Variants in ERC2 observed in about 807,000 individuals in gnomAD.
The protein encoded by ERC2 is ERC protein 2.
In ERC2, 42 loss-of-function variants were observed where a neutral mutation model predicts 114.8. The observed-to-expected ratio is 0.37, with a 90% confidence interval of 0.29 to 0.47. The LOEUF is 0.47. Ranked by LOEUF, ERC2 falls within the 20% of genes least tolerant of loss-of-function variation. The pLI is 0.99. For synonymous variants in ERC2, 454 were observed against 425.5 expected (o/e 1.07, Z -0.82); for missense variants, 939 against 1,150.7 (o/e 0.82, Z 2.66).
chr3:56,033,030 CAGAAAGAA>C (rs71099612), intron 7 of ERC2, among the ~76,000 whole-genome samples: 3,983 of 65,506 alleles, frequency 0.061, 377 homozygotes, highest in Admixed American at 0.11. Flanking sequence ...AAAAAAGAAA[CAGAAAGAA>C]AGAAAGAAAG....
At chr3:55,538,603 C>T (rs1435654386) in intron 17 of ERC2, among the ~76,000 whole-genome samples, 1 of 152,174 alleles carries the variant, frequency 6.6e-6, no homozygotes, top group Non-Finnish European at 1.5e-5. Context: ...CTTTTGGAAA[C>T]CACCATGGAA....
intron 17 of ERC2, among the ~76,000 whole-genome samples, chr3:55,622,394 T>C (rs1234608689): frequency 1.3e-5 from 2 of 152,190 alleles, no homozygotes; most frequent in Admixed American, 1.3e-4. Flanking sequence ...TTTATCAATG[T>C]GATTTTTTCC....
At chr3:55,947,657 C>T (rs1198409442) in intron 13 of ERC2, among the ~76,000 whole-genome samples, 9 of 152,180 alleles carry the variant, frequency 5.9e-5, no homozygotes, top group African/African-American at 1.4e-4. Context: ...CCAGGCACCA[C>T]GACAGATGTG....
intron 3 of ERC2, among the ~76,000 whole-genome samples, chr3:56,292,363 C>T (rs552284057): frequency 7.6e-4 from 114 of 150,784 alleles, no homozygotes; most frequent in Admixed American, 1.4e-3. Context: ...GCAGGCAGAT[C>T]GCTTGAGCTC....
intron 3 of ERC2, among the ~76,000 whole-genome samples, chr3:56,181,943 G>A (rs924590497): frequency 6.6e-6 from 1 of 152,204 alleles, no homozygotes; most frequent in Non-Finnish European, 1.5e-5. Context: ...GATGACTGCA[G>A]CCCTGTCCAA....
chr3:55,524,073 G>A (rs146913397), intron 17 of ERC2, among the ~76,000 whole-genome samples: 4 of 152,244 alleles, frequency 2.6e-5, no homozygotes, highest in African/African-American at 7.2e-5. Flanking sequence ...ACCTCTCCAG[G>A]TGGTTGAGAA....
At chr3:55,928,985 A>T (rs1240381226) in intron 13 of ERC2, among the ~76,000 whole-genome samples, 1 of 152,182 alleles carries the variant, frequency 6.6e-6, no homozygotes, top group Non-Finnish European at 1.5e-5. Flanking sequence ...TTTTTATGCC[A>T]GAACCATACT....
intron 17 of ERC2, among the ~76,000 whole-genome samples, chr3:55,621,268 G>C (rs1410043214): frequency 6.6e-6 from 1 of 152,096 alleles, no homozygotes; most frequent in South Asian, 2.1e-4. Context: ...GTGGTGGGCT[G>C]GTTAAACGCC....
At chr3:55,801,914 A>G (rs764009950) in intron 14 of ERC2, among the ~76,000 whole-genome samples, 7 of 152,266 alleles carry the variant, frequency 4.6e-5, no homozygotes, top group Non-Finnish European at 1.0e-4. Flanking sequence ...TGCTCCCAGA[A>G]CTTCCGATCC....
At chr3:56,259,616 T>C (rs925356105) in intron 3 of ERC2, among the ~76,000 whole-genome samples, 11 of 152,082 alleles carry the variant, frequency 7.2e-5, no homozygotes, top group African/African-American at 2.4e-4. Context: ...TATTATATTA[T>C]ATATTTATAG....
intron 2 of ERC2, among the ~76,000 whole-genome samples, chr3:56,404,275 C>A (rs933968258): frequency 6.6e-6 from 1 of 152,110 alleles, no homozygotes; most frequent in African/African-American, 2.4e-5. Context: ...TAAATTTTTG[C>A]AGTCATTCTT....
intron 7 of ERC2, among the ~76,000 whole-genome samples, chr3:56,029,648 A>C (rs2074258059): frequency 6.6e-6 from 1 of 152,106 alleles, no homozygotes; most frequent in African/African-American, 2.4e-5. Flanking sequence ...TTAGGTTGCT[A>C]ATAGCTACAG....
chr3:56,018,611 GA>G (rs1441321070), intron 8 of ERC2, among the ~76,000 whole-genome samples: 2 of 152,274 alleles, frequency 1.3e-5, no homozygotes, highest in East Asian at 3.9e-4. Context: ...GGGCCAGGTA[GA>G]GGATTTCAAA....
chr3:56,311,896 T>G (rs1033899219), intron 2 of ERC2, among the ~76,000 whole-genome samples: 20 of 151,394 alleles, frequency 1.3e-4, no homozygotes, highest in African/African-American at 4.9e-4. Context: ...TATGCACAGG[T>G]CCTACATCTG....
At chr3:56,063,494 GTGA>G (rs1370368531) in intron 7 of ERC2, among the ~76,000 whole-genome samples, 5 of 152,196 alleles carry the variant, frequency 3.3e-5, no homozygotes, top group African/African-American at 1.2e-4. Context: ...AGCACCAACA[GTGA>G]TGGTCAGTTT....
Position 56,061,364 on chromosome 3 carries a change from T to C in ERC2, c.1641+19453A>G, listed in dbSNP as rs76580607. On this transcript the variant is annotated intron_variant, in intron 7 of 17. Transcript: ENST00000288221. ...CTTGTAAGCATTTCGAATGTGATTT[T>C]CTACCTCCTGCTTTTCTCTCTGGAC... Among the ~76,000 whole-genome samples the C allele has an allele frequency of 6.3e-3, 954 of 152,330 alleles. 6 individuals are homozygous for C. Among genetic ancestry groups the C allele is most frequent in the African/African-American group, 0.021 (893 of 41,560 alleles).
chr3:56,372,848 C>T (rs2059405265), intron 2 of ERC2, among the ~76,000 whole-genome samples: 1 of 152,206 alleles, frequency 6.6e-6, no homozygotes, highest in African/African-American at 2.4e-5. Context: ...ATTCACAATG[C>T]TACTTAAAAC....
At chr3:56,131,140 C>A (rs919755850) in intron 6 of ERC2, among the ~76,000 whole-genome samples, 1 of 152,098 alleles carries the variant, frequency 6.6e-6, no homozygotes, top group Non-Finnish European at 1.5e-5. Flanking sequence ...TGGTAATAAA[C>A]CATTTTGCAG....
intron 2 of ERC2, among the ~76,000 whole-genome samples, chr3:56,389,560 C>T (rs769129319): frequency 6.6e-5 from 10 of 152,176 alleles, no homozygotes; most frequent in Non-Finnish European, 1.2e-4. Flanking sequence ...TTGTTAGTGC[C>T]ATTTCAGGAG....
Sources: allele counts gnomAD v4.1 joint callset (sites outside exome capture counted in the v4.1 genomes callset), GRCh38; gene constraint gnomAD v4.1.1; transcripts MANE v1.5; gene names NCBI Gene and HGNC (gene_info 2026-07-23, HGNC 2026-07-21).